Variants in CALN1 observed in about 807,000 individuals in gnomAD.
CALN1 encodes the protein calcium-binding protein 8.
A neutral mutation model predicts 30.6 loss-of-function variants in CALN1; 17 were observed. That is an observed-to-expected ratio of 0.56 (90% CI 0.38 to 0.83). CALN1 has a LOEUF of 0.83. CALN1 is among the 40% of genes least tolerant of loss of function. CALN1 has a pLI of 0.00. For synonymous variants in CALN1, 156 were observed against 131.4 expected, an observed-to-expected ratio of 1.19 and a Z score of -1.28; for missense variants, 291 against 354.9, an observed-to-expected ratio of 0.82 and a Z score of 1.45.
intron 2 of CALN1, among the ~76,000 whole-genome samples, chr7:72,328,340 T>A (rs946348818): frequency 6.6e-6 from 1 of 152,172 alleles, no homozygotes; most frequent in Non-Finnish European, 1.5e-5. Context: ...TGAATAAGTC[T>A]GATGAGATTT....
chr7:72,137,233 C>T (rs546724200), intron 3 of CALN1, among the ~76,000 whole-genome samples: 2 of 152,150 alleles, frequency 1.3e-5, no homozygotes, highest in East Asian at 3.9e-4. Context: ...AGGGGTTTAT[C>T]TTAGGGTTGG....
Position 71,838,002 on chromosome 7 carries a change from T to G in CALN1, c.502-27510A>C, listed in dbSNP as rs571110802. 9.2e-5 allele frequency among the ~76,000 whole-genome samples: 14 copies of G among 152,296 alleles called. No homozygotes were observed. In the South Asian group the frequency reaches 2.5e-3, roughly 27 times the overall value. ...GTTCTTATTTAATTACACTGATTAG[T>G]AGATTAACGTTAAGTGGTAATTGTG... On this transcript the variant is annotated intron_variant, in intron 5 of 6. Coordinates refer to ENST00000395275, the MANE Select transcript of CALN1 (RefSeq NM_031468.4).
intron 3 of CALN1, among the ~76,000 whole-genome samples, chr7:72,194,188 T>A (rs1434110545): frequency 6.6e-6 from 1 of 152,242 alleles, no homozygotes; most frequent in East Asian, 1.9e-4. Context: ...CATTCCGCAG[T>A]GTACAATGGC....
At chr7:72,308,372 G>GAGAGAGA (rs1554362861) in intron 2 of CALN1, among the ~76,000 whole-genome samples, 8 of 92,660 alleles carry the variant, frequency 8.6e-5, no homozygotes, top group African/African-American at 3.9e-4. Flanking sequence ...TGTGGGGGGG[G>GAGAGAGA]GAGAGAGAGA....
intron 2 of CALN1, among the ~76,000 whole-genome samples, chr7:72,373,715 G>T (rs901228304): frequency 2.0e-5 from 3 of 152,174 alleles, no homozygotes; most frequent in African/African-American, 7.2e-5. Context: ...TTATCAGGAT[G>T]TAACTCCATC....
Position 71,779,704 on chromosome 7 carries a change from C to T in CALN1, c.*8071G>A, listed in dbSNP as rs896636471. 1 of 152,082 alleles carries T rather than the reference C, an allele frequency of 6.6e-6. No homozygotes were observed. Among genetic ancestry groups the T allele is most frequent in the Non-Finnish European group, 1.5e-5 (1 of 68,028 alleles). The allele number at this position is 152,082 out of a possible 1,614,324, so 9.4% of individuals were successfully genotyped here. A position where few individuals can be genotyped will look rare whatever the true frequency, so the allele number is the denominator to read the frequency against. Reference sequence around the variant, plus strand: ...CTAAGTTAATTTATATTAATATGTACATTTTATATAAAGATTCTTTTTTGA... The same window carrying T: ...CTAAGTTAATTTATATTAATATGTATATTTTATATAAAGATTCTTTTTTGA... On this transcript the variant is annotated 3_prime_UTR_variant, in exon 7 of 7. Coordinates refer to ENST00000395275, the MANE Select transcript of CALN1 (RefSeq NM_031468.4).
At chr7:72,029,796 T>C (rs1801322187) in intron 4 of CALN1, among the ~76,000 whole-genome samples, 1 of 152,222 alleles carries the variant, frequency 6.6e-6, no homozygotes, top group African/African-American at 2.4e-5. Context: ...CTCTCTGCCT[T>C]TCCCTGAGTT....
intron 5 of CALN1, among the ~76,000 whole-genome samples, chr7:72,012,273 T>C (rs1006043826): frequency 6.6e-6 from 1 of 152,140 alleles, no homozygotes; most frequent in African/African-American, 2.4e-5. Context: ...ATCCCAGCAC[T>C]TTGGGAGGCC....
intron 4 of CALN1, among the ~76,000 whole-genome samples, chr7:72,024,778 G>C (rs1300421211): frequency 6.6e-6 from 1 of 151,792 alleles, no homozygotes; most frequent in East Asian, 1.9e-4. Context: ...GCATCAATTT[G>C]TCCCCAACCT....
intron 4 of CALN1, among the ~76,000 whole-genome samples, chr7:72,082,235 C>T (rs530434484): frequency 6.6e-6 from 1 of 152,328 alleles, no homozygotes; most frequent in East Asian, 1.9e-4. Context: ...ATCTGCCCAC[C>T]TCACCCTCCC....
intron 3 of CALN1, among the ~76,000 whole-genome samples, chr7:72,174,228 T>C (rs1418189390): frequency 1.3e-5 from 2 of 152,138 alleles, no homozygotes; most frequent in African/African-American, 4.8e-5. Context: ...AAATTAGACA[T>C]AGTATCAGGA....
chr7:72,207,054 A>G (rs1297449730), intron 3 of CALN1, among the ~76,000 whole-genome samples: 4 of 152,238 alleles, frequency 2.6e-5, no homozygotes, highest in Non-Finnish European at 5.9e-5. Flanking sequence ...TCAATGATAA[A>G]ATATCAACTA....
chr7:72,387,809 T>C (rs1004267782), intron 2 of CALN1, among the ~76,000 whole-genome samples: 5 of 152,094 alleles, frequency 3.3e-5, no homozygotes, highest in African/African-American at 1.2e-4. Flanking sequence ...CACCACATGA[T>C]CTCACCCACA....
chr7:72,130,253 G>A (rs1423539649), intron 3 of CALN1, among the ~76,000 whole-genome samples: 1 of 152,212 alleles, frequency 6.6e-6, no homozygotes, highest in Admixed American at 6.5e-5. Context: ...CCTAGTCTCA[G>A]GTATTTTGCT....
the CALN1 span, among the ~76,000 whole-genome samples, chr7:72,494,695 C>CAA: frequency 7.1e-6 from 1 of 140,418 alleles, no homozygotes; most frequent in African/African-American, 2.6e-5. Context: ...CCCATCTCTA[C>CAA]AAAAAAAAAA....
intron 5 of CALN1, among the ~76,000 whole-genome samples, chr7:71,870,155 G>T (rs928633872): frequency 1.3e-5 from 2 of 152,188 alleles, no homozygotes; most frequent in African/African-American, 4.8e-5. Flanking sequence ...GTCCGAGGTG[G>T]GCCGATCACC....
chr7:71,972,253 C>T (rs555938498), intron 5 of CALN1, among the ~76,000 whole-genome samples: 56 of 152,270 alleles, frequency 3.7e-4, no homozygotes, highest in African/African-American at 1.3e-3. Context: ...TCGTTCTGAA[C>T]ACCCCACAGG....
chr7:72,305,675 A>G (rs1414444868), intron 2 of CALN1, among the ~76,000 whole-genome samples: 1 of 152,228 alleles, frequency 6.6e-6, no homozygotes, highest in Non-Finnish European at 1.5e-5. Flanking sequence ...AGTTCTCTAG[A>G]ACAGCACTTT....
At chr7:72,465,106 G>A in the CALN1 span, among the ~76,000 whole-genome samples, 2 of 152,134 alleles carry the variant, frequency 1.3e-5, no homozygotes, top group African/African-American at 4.8e-5. Flanking sequence ...TATCTCAGAT[G>A]CCTCTCTCTG....
Sources: gnomAD v4.1 joint callset for allele counts (sites outside exome capture counted in the v4.1 genomes callset) on GRCh38, gnomAD v4.1.1 for gene constraint, MANE v1.5 for transcripts, NCBI Gene and HGNC (gene_info 2026-07-23, HGNC 2026-07-21) for gene names.